MCM9: variants seen among roughly 807,000 people sequenced by gnomAD.
MCM9 encodes minichromosome maintenance 9 homologous recombination repair factor, also known as DNA helicase MCM9.
In MCM9, 55 loss-of-function variants were observed where a neutral mutation model predicts 72.8. The ratio of observed to expected loss-of-function variants is 0.76; its 90% CI spans 0.61 to 0.95. The LOEUF (loss-of-function observed/expected upper bound fraction) is 0.95. Ranked by LOEUF, MCM9 falls within the 40% of genes least tolerant of loss-of-function variation. MCM9 has a pLI of 0.00. For synonymous variants in MCM9, 480 were observed against 503.4 expected, an observed-to-expected ratio of 0.95 and a Z score of 0.62; for missense variants, 1,279 against 1,377.0, an observed-to-expected ratio of 0.93 and a Z score of 1.13.
At chr6:118,824,360 G>A (rs561559929) in intron 13 of MCM9, among the ~76,000 whole-genome samples, 34 of 127,268 alleles carry the variant, frequency 2.7e-4, no homozygotes, top group African/African-American at 1.1e-3. Flanking sequence ...TTTTTCAGAT[G>A]GAGTTTCACT....
intron 9 of MCM9, among the ~76,000 whole-genome samples, chr6:118,849,111 T>C (rs1776069299): frequency 6.6e-6 from 1 of 151,770 alleles, no homozygotes; most frequent in African/African-American, 2.4e-5. Context: ...AAAGAACAGA[T>C]TGAAATCAAA....
At chr6:118,861,595 A>C (rs1207897282) in intron 8 of MCM9, among the ~76,000 whole-genome samples, 2 of 152,178 alleles carry the variant, frequency 1.3e-5, no homozygotes, top group African/African-American at 4.8e-5. Flanking sequence ...TGTACTGACA[A>C]GTGTCCAGCA....
intron 9 of MCM9, among the ~76,000 whole-genome samples, chr6:118,835,315 A>T (rs946887138): frequency 6.6e-6 from 1 of 151,996 alleles, no homozygotes; most frequent in African/African-American, 2.4e-5. Context: ...TTTGCTTAGG[A>T]TTGTCTTGTC....
intron 8 of MCM9, among the ~76,000 whole-genome samples, chr6:118,902,631 C>T (rs564793429): frequency 3.3e-5 from 5 of 151,354 alleles, no homozygotes; most frequent in Middle Eastern, 3.4e-3. Context: ...AAGCATACTC[C>T]TAAGCTTTTG....
intron 9 of MCM9, among the ~76,000 whole-genome samples, chr6:118,843,379 A>G (rs1775531375): frequency 6.6e-6 from 1 of 151,708 alleles, no homozygotes. Context: ...CTGTAATCCC[A>G]GCACTTTGGG....
At chr6:118,924,683 G>A (rs932776521) in intron 3 of MCM9, among the ~76,000 whole-genome samples, 8 of 152,100 alleles carry the variant, frequency 5.3e-5, no homozygotes, top group Non-Finnish European at 2.9e-5. Context: ...CGGTTTACCC[G>A]CAGCATCACC....
At chr6:118,839,670 A>C (rs900550066) in intron 9 of MCM9, among the ~76,000 whole-genome samples, 1 of 151,984 alleles carries the variant, frequency 6.6e-6, no homozygotes, top group Non-Finnish European at 1.5e-5. Flanking sequence ...CTCTCCTTCT[A>C]ACAGGCCCCT....
intron 9 of MCM9, among the ~76,000 whole-genome samples, chr6:118,837,866 G>A (rs1326202034): frequency 2.0e-5 from 3 of 152,160 alleles, no homozygotes; most frequent in South Asian, 2.1e-4. Flanking sequence ...TACATTTAAG[G>A]TTAAAATTGT....
At chr6:118,900,047 C>T (rs112297610) in intron 8 of MCM9, among the ~76,000 whole-genome samples, 1 of 152,176 alleles carries the variant, frequency 6.6e-6, no homozygotes, top group East Asian at 1.9e-4. Context: ...TTACATATAA[C>T]GCCTTGAATT....
At chr6:118,867,917 C>T (rs1323691646) in intron 8 of MCM9, among the ~76,000 whole-genome samples, 1 of 133,798 alleles carries the variant, frequency 7.5e-6, no homozygotes, top group Non-Finnish European at 1.5e-5. Flanking sequence ...CACTCTGGTG[C>T]CCAGGCTGGA....
chr6:118,932,505 T>A (rs1211567700), intron 2 of MCM9, 102 bp downstream of exon 2: 1 of 687,024 alleles, frequency 1.5e-6, no homozygotes, highest in Non-Finnish European at 1.8e-6. Flanking sequence ...TGGTTCTAGC[T>A]TTTGTTTATA....
At chr6:118,933,119 G>A (rs773824603) in intron 1 of MCM9, among the ~76,000 whole-genome samples, 5 of 152,188 alleles carry the variant, frequency 3.3e-5, no homozygotes, top group Non-Finnish European at 5.9e-5. Context: ...ATGAATAGGA[G>A]TCAAAGGAGA....
At chr6:118,861,517 G>A (rs1309998924) in intron 8 of MCM9, among the ~76,000 whole-genome samples, 1 of 152,178 alleles carries the variant, frequency 6.6e-6, no homozygotes, top group Non-Finnish European at 1.5e-5. Flanking sequence ...AAGGTGGAGA[G>A]GAGCTTCATG....
intron 8 of MCM9, among the ~76,000 whole-genome samples, chr6:118,866,608 T>G (rs1777235809): frequency 6.6e-6 from 1 of 152,118 alleles, no homozygotes; most frequent in African/African-American, 2.4e-5. Flanking sequence ...TTGGTTAACT[T>G]GAGACAGGTT....
chr6:118,861,625 A>G (rs1776910245), intron 8 of MCM9, among the ~76,000 whole-genome samples: 1 of 152,182 alleles, frequency 6.6e-6, no homozygotes, highest in South Asian at 2.1e-4. Context: ...GAGGAGACCT[A>G]TAGTGGGTAG....
intron 8 of MCM9, among the ~76,000 whole-genome samples, chr6:118,891,487 C>T (rs1778938832): frequency 6.6e-6 from 1 of 152,140 alleles, no homozygotes; most frequent in African/African-American, 2.4e-5. Flanking sequence ...AAGGTGTTGG[C>T]AGGTTTGGTT....
At chr6:118,894,402 T>G (rs1779199797) in intron 8 of MCM9, 2 of 1,536,964 alleles carry the variant, frequency 1.3e-6, no homozygotes, top group African/African-American at 1.4e-5. Flanking sequence ...TTGTTTGTGT[T>G]TTTTTCAAAA....
intron 8 of MCM9, among the ~76,000 whole-genome samples, chr6:118,890,084 G>T (rs149649741): frequency 0.055 from 8,304 of 152,168 alleles, 331 homozygotes; most frequent in East Asian, 0.19. Context: ...GTAGTACCCC[G>T]TGGGGAGCCT....
At chr6:118,819,764 T>C (rs1239899203) in intron 13 of MCM9, among the ~76,000 whole-genome samples, 2 of 152,226 alleles carry the variant, frequency 1.3e-5, no homozygotes, top group African/African-American at 4.8e-5. Flanking sequence ...CTTTTTTTGG[T>C]TGGTAGGCTA....
Sources: allele counts gnomAD v4.1 joint callset (sites outside exome capture counted in the v4.1 genomes callset), GRCh38; gene constraint gnomAD v4.1.1; transcripts MANE v1.5; gene names NCBI Gene and HGNC (gene_info 2026-07-23, HGNC 2026-07-21).